The following ZKSCAN2 variants were observed in gnomAD, a reference collection of about 807,000 sequenced individuals.
ZKSCAN2 encodes the protein zinc finger with KRAB and SCAN domains 2.
A neutral mutation model predicts 90.5 loss-of-function variants in ZKSCAN2; 38 were observed. The observed-to-expected ratio is 0.42, with a 90% CI of 0.32 to 0.55. ZKSCAN2 has a LOEUF of 0.55. Among genes scored for constraint, ZKSCAN2 ranks in the 20% least tolerant of loss-of-function variants. The pLI is 0.11. For missense variants in ZKSCAN2, 1,167 were observed against 1,202.6 expected, an observed-to-expected ratio of 0.97 and a Z score of 0.44; for synonymous variants, 429 against 421.6, an observed-to-expected ratio of 1.02 and a Z score of -0.22.
rs1054961766 is a variant in ZKSCAN2 at position 25,257,835 on chromosome 16, C to A, written c.-708G>T. ...TCGTCCACTCGGCCCGCGGAGAGCG[C>A]GGGGGGCGCTGGGAACCGCAGTCAC... On this transcript the variant is annotated 5_prime_UTR_variant, in exon 1 of 7. Transcript: ENST00000328086. 1.4e-5 allele frequency: 2 copies of A among 144,184 alleles called. No homozygotes were observed. Among genetic ancestry groups the A allele is most frequent in the African/African-American group, 5.2e-5 (2 of 38,742 alleles). The allele number at this position is 144,184 out of a possible 1,614,324, so 8.9% of individuals were successfully genotyped here. A position where few individuals can be genotyped will look rare whatever the true frequency, so the allele number is the denominator to read the frequency against.
chr16:25,243,094 C>T lies in ZKSCAN2; in HGVS notation c.1981+691G>A, dbSNP rs972604985. Among the ~76,000 whole-genome samples the T allele has an allele frequency of 3.3e-5, 5 of 152,376 alleles. No homozygotes were observed. The South Asian group carries it at 8.3e-4, about 25-fold the overall frequency. Reference sequence around the variant, plus strand: ...AGTCTTTTATTTAGTCTCTGCCTATCTTTTTTGTCTTGCACACCCCATATA... The same window carrying T: ...AGTCTTTTATTTAGTCTCTGCCTATTTTTTTTGTCTTGCACACCCCATATA... On this transcript the variant is annotated intron_variant, in intron 6 of 6. Coordinates refer to ENST00000328086, the MANE Select transcript of ZKSCAN2 (RefSeq NM_001012981.5).
In ZKSCAN2 at chr16:25,257,566, C is replaced by G; in HGVS notation, c.-439G>C. ...TGGGTGGGGCCGGATGTGCAGGCCC[C>G]GCCCGGCGCCAGGTTCCGGGCTCGG... On this transcript the variant is annotated 5_prime_UTR_variant, in exon 1 of 7. Transcript: ENST00000328086. The G allele has an allele frequency of 1.0e-6, 1 of 961,644 alleles. No individual in the cohort carries two copies. The highest frequency in any genetic ancestry group is 1.2e-6 in the Non-Finnish European group (1 of 808,118). 59.6% of individuals were successfully genotyped at this position (961,644 alleles called of 1,614,324 possible).
intron 2 of ZKSCAN2, among the ~76,000 whole-genome samples, chr16:25,254,641 C>A (rs979448741): frequency 1.8e-4 from 28 of 152,158 alleles, no homozygotes; most frequent in African/African-American, 6.3e-4. Context: ...CTTGCCCAGG[C>A]TGGTCTTGAA....
rs1171483890 is a variant in ZKSCAN2 at position 25,247,232 on chromosome 16, C to T, written c.964G>A (p.Gly322Arg). ...TGCTGCTGCTCTCTCCATGTTTTTCCTGCACTCCTTGCAGGGACCTGAATA... is the reference window on the plus strand; with the variant it reads ...TGCTGCTGCTCTCTCCATGTTTTTCTTGCACTCCTTGCAGGGACCTGAATA... ...HAIQVPARSA[G>R]KTWREQQQWG... Residue 322 changes from glycine (G) to arginine (R), a missense_variant, in exon 5 of 7, where the codon GGA becomes AGA. Transcript: ENST00000328086. 8 of 1,614,206 alleles carry T rather than the reference C, an allele frequency of 5.0e-6. No individual in the cohort carries two copies. Among genetic ancestry groups the T allele is most frequent in the African/African-American group, 1.3e-5 (1 of 75,052 alleles).
intron 2 of ZKSCAN2, among the ~76,000 whole-genome samples, chr16:25,254,884 C>T (rs1963073600): frequency 6.6e-6 from 1 of 151,686 alleles, no homozygotes; most frequent in African/African-American, 2.4e-5. Flanking sequence ...GCCTCAACCT[C>T]CTGGGTTCAA....
chr16:25,242,021 C>A (rs1309915209), intron 6 of ZKSCAN2, among the ~76,000 whole-genome samples: 1 of 152,156 alleles, frequency 6.6e-6, no homozygotes, highest in African/African-American at 2.4e-5. Flanking sequence ...AGGTGCACAC[C>A]ACCACTCCCA....
intron 4 of ZKSCAN2, among the ~76,000 whole-genome samples, chr16:25,251,367 T>G (rs951188563): frequency 6.6e-6 from 1 of 152,156 alleles, no homozygotes; most frequent in Non-Finnish European, 1.5e-5. Flanking sequence ...ATTTGAAAAT[T>G]ATTGGTACAG....
chr16:25,257,594 C>A lies in ZKSCAN2; in HGVS notation c.-467G>T. 6 of 824,994 alleles carry A rather than the reference C, an allele frequency of 7.3e-6. No individual in the cohort carries two copies. Among genetic ancestry groups the A allele is most frequent in the African/African-American group, 1.8e-5 (1 of 54,192 alleles). 51.1% of individuals were successfully genotyped at this position (824,994 alleles called of 1,614,324 possible). ...CCGGCGCCAGGTTCCGGGCTCGGGTCACCGCAGCACGTCCAGGCCGCCGCG... is the reference window on the plus strand; with the variant it reads ...CCGGCGCCAGGTTCCGGGCTCGGGTAACCGCAGCACGTCCAGGCCGCCGCG... On this transcript the variant is annotated 5_prime_UTR_variant, in exon 1 of 7. Transcript: ENST00000328086.
rs1963122676 is a variant in ZKSCAN2 at position 25,257,347 on chromosome 16, C to T, written c.-220G>A. The stretch of plus-strand genomic sequence containing the variant: ...AAGATGCAAAAGCCTGGCCTCTTCT[C>T]CAAACAAGATGTGACCGCGCAATGT... On this transcript the variant is annotated 5_prime_UTR_variant, in exon 1 of 7. Transcript: ENST00000328086. 7.7e-7 allele frequency: 1 copy of T among 1,302,094 alleles called. No homozygotes were observed. The highest frequency in any genetic ancestry group is 9.7e-7 in the Non-Finnish European group (1 of 1,028,120). 80.7% of individuals were successfully genotyped at this position (1,302,094 alleles called of 1,614,324 possible).
At chr16:25,240,776 C>T (rs763851261) in intron 6 of ZKSCAN2, 38 bp from the exon 7 acceptor site, 2 of 1,566,374 alleles carry the variant, frequency 1.3e-6, no homozygotes, top group Admixed American at 3.5e-5. Flanking sequence ...TTATACAAGT[C>T]TGATATTAAC....
Position 25,246,973 on chromosome 16 carries a change from C to A in ZKSCAN2, c.1223G>T (p.Arg408Ile). 6.2e-7 allele frequency: 1 copy of A among 1,614,164 alleles called. No homozygotes were observed. The highest frequency in any genetic ancestry group is 8.5e-7 in the Non-Finnish European group (1 of 1,180,034). The change falls in exon 5 of 7, where the codon AGA (arginine) becomes ATA (isoleucine). Residue 408 changes from arginine (R) to isoleucine (I), a missense_variant. Arg to Ile is a moderately conservative substitution (Grantham distance 97). Transcript: ENST00000328086. ...KSLQKSYRKV[R>I]NGHMLEPCAF... ...GCAGGGTTCTAGCATGTGGCCATTT[C>A]TCACCTTTCGATAGCTTTTCTGGAG...
Position 25,257,684 on chromosome 16 carries a change from G to A in ZKSCAN2, c.-557C>T, listed in dbSNP as rs191471314. ...GCTCTTTCGGGCCCACGACGGCCCC[G>A]ACCGTCCTGAGGAAACCGCTGCCGC... On this transcript the variant is annotated 5_prime_UTR_variant, in exon 1 of 7. Coordinates refer to ENST00000328086, the MANE Select transcript of ZKSCAN2 (RefSeq NM_001012981.5). 3 of 189,030 alleles carry A rather than the reference G, an allele frequency of 1.6e-5. No individual in the cohort carries two copies. The highest frequency in any genetic ancestry group is 1.8e-4 in the South Asian group (1 of 5,532). The allele number at this position is 189,030 out of a possible 1,614,324, so 11.7% of individuals were successfully genotyped here.
Position 25,247,195 on chromosome 16 carries a change from T to A in ZKSCAN2, c.1001A>T (p.Glu334Val). 4 of 1,614,210 alleles carry A rather than the reference T, an allele frequency of 2.5e-6. No homozygotes were observed. The South Asian group carries it at 4.4e-5, about 18-fold the overall frequency. The change falls in exon 5 of 7, where the codon GAA (glutamate) becomes GTA (valine). Residue 334 changes from glutamate to valine, a missense_variant. Glu to Val is a moderately radical substitution (Grantham distance 121). Transcript: ENST00000328086. ...ATGCACACCTGCTATCTTTTCATCTTCTAAACCCCACTGCTGCTGCTCTCT... is the reference window on the plus strand; with the variant it reads ...ATGCACACCTGCTATCTTTTCATCTACTAAACCCCACTGCTGCTGCTCTCT... Reference protein sequence around the residue: ...TWREQQQWGLEDEKIAGVHWS... With the variant: ...TWREQQQWGLVDEKIAGVHWS...
chr16:25,255,129 C>A, intron 2 of ZKSCAN2, 77 bp downstream of exon 2: 1 of 1,460,552 alleles, frequency 6.8e-7, no homozygotes. Context: ...CCCTCCACTG[C>A]ACATTCACAG....
chr16:25,252,595 A>C (rs1264957502), intron 3 of ZKSCAN2, among the ~76,000 whole-genome samples: 2 of 152,096 alleles, frequency 1.3e-5, no homozygotes, highest in African/African-American at 4.8e-5. Flanking sequence ...CATTGCGCCT[A>C]AACACCCTAG....
chr16:25,252,105 A>C, intron 3 of ZKSCAN2, 70 bp from the exon 4 acceptor site: 1 of 1,578,020 alleles, frequency 6.3e-7, no homozygotes. Flanking sequence ...GCAATCACAG[A>C]TGAGGCAGAG....
rs1368353019 is a variant in ZKSCAN2, at chr16:25,256,743, T to C, written c.385A>G (p.Arg129Gly). The C allele has an allele frequency of 6.2e-7, 1 of 1,612,650 alleles. No homozygotes were observed. The highest frequency in any genetic ancestry group is 8.5e-7 in the Non-Finnish European group (1 of 1,179,436). ...LVVHLEKETG[R>G]LRQQVSSPVH... ...TCCTCTCTCACCTGCTGTCTTAGTC[T>C]TCCAGTCTCTTTCTCCAAATGCACT... The change falls in exon 1 of 7, where the codon AGA becomes GGA. Residue 129 changes from arginine (R) to glycine (G), a missense_variant. Transcript: ENST00000328086.
Position 25,257,421 on chromosome 16 carries a change from C to CT in ZKSCAN2, c.-295dup. Reference sequence around the variant, plus strand: ...TAGTGCAAAGTCGGAAACCGGGAGGCTGGACGACTGGGAGAAAAATGAAGC... The same window carrying CT: ...TAGTGCAAAGTCGGAAACCGGGAGGCTTGGACGACTGGGAGAAAAATGAAGC... On this transcript the variant is annotated 5_prime_UTR_variant, in exon 1 of 7. Transcript: ENST00000328086. 9.0e-7 allele frequency: 1 copy of CT among 1,111,980 alleles called. No homozygotes were observed. Among genetic ancestry groups the CT allele is most frequent in the Non-Finnish European group, 1.1e-6 (1 of 912,792 alleles). The allele number at this position is 1,111,980 out of a possible 1,614,324, so 68.9% of individuals were successfully genotyped here.
In ZKSCAN2 at chr16:25,240,494, A is replaced by C. The variant is rs746576599; in HGVS notation, c.2226T>G (p.Phe742Leu). The C allele has an allele frequency of 1.2e-6, 2 of 1,614,158 alleles. No individual in the cohort carries two copies. The highest frequency in any genetic ancestry group is 1.7e-6 in the Non-Finnish European group (2 of 1,180,024). The change falls in exon 7 of 7, where the codon TTT (phenylalanine) becomes TTG (leucine). Residue 742 changes from phenylalanine to leucine, a missense_variant. Transcript: ENST00000328086. ...LGKAVVHQRP[F>L]VGKRPYRLLK... ...GAAGTCTGTAGGGTCTCTTCCCCAC[A>C]AAAGGCCTCTGATGCACAACGGCTT...
Sources: gnomAD v4.1 joint callset for allele counts (sites outside exome capture counted in the v4.1 genomes callset) on GRCh38, gnomAD v4.1.1 for gene constraint, MANE v1.5 for transcripts, NCBI Gene and HGNC (gene_info 2026-07-23, HGNC 2026-07-21) for gene names.